OSBPL1A: variants seen among roughly 807,000 people sequenced by gnomAD.
The protein encoded by OSBPL1A is oxysterol binding protein like 1A, also known as oxysterol-binding protein-related protein 1.
In OSBPL1A, 80 loss-of-function variants were observed where a neutral mutation model predicts 137.1. The ratio of observed to expected loss-of-function variants is 0.58; its 90% CI spans 0.49 to 0.70. The LOEUF is 0.70. Among genes scored for constraint, OSBPL1A ranks in the 30% least tolerant of loss-of-function variants. The pLI is 0.00. For missense variants in OSBPL1A, 970 were observed against 1,129.4 expected, an observed-to-expected ratio of 0.86 and a Z score of 2.02; for synonymous variants, 365 against 389.7, an observed-to-expected ratio of 0.94 and a Z score of 0.75.
intron 1 of OSBPL1A, 133 bp from the exon 2 acceptor site, chr18:24,377,668 C>T (rs1191078822): frequency 1.1e-6 from 1 of 926,276 alleles, no homozygotes; most frequent in Admixed American, 3.2e-5. Context: ...CTGAATAAAT[C>T]CGTTGCAGGG....
intron 18 of OSBPL1A, among the ~76,000 whole-genome samples, chr18:24,188,471 T>C (rs1287813669): frequency 6.6e-6 from 1 of 152,246 alleles, no homozygotes; most frequent in Admixed American, 6.5e-5. Context: ...TTTTTAATCA[T>C]TTGAAAAGCT....
chr18:24,387,010 T>C (rs1284667451), intron 1 of OSBPL1A, among the ~76,000 whole-genome samples: 2 of 152,308 alleles, frequency 1.3e-5, no homozygotes, highest in East Asian at 1.9e-4. Context: ...GATATCTATT[T>C]GAAATATATT....
intron 1 of OSBPL1A, among the ~76,000 whole-genome samples, chr18:24,391,892 G>A (rs186507409): frequency 1.3e-5 from 2 of 152,046 alleles, no homozygotes; most frequent in African/African-American, 4.8e-5. Context: ...GACAGGGTCT[G>A]TCACTAAGGC....
intron 18 of OSBPL1A, among the ~76,000 whole-genome samples, chr18:24,189,269 A>G (rs1054634469): frequency 6.6e-6 from 1 of 152,248 alleles, no homozygotes; most frequent in African/African-American, 2.4e-5. Flanking sequence ...AAAATATTGT[A>G]TAAATGTAAA....
intron 14 of OSBPL1A, among the ~76,000 whole-genome samples, chr18:24,285,839 T>C (rs1041674694): frequency 6.6e-6 from 1 of 152,180 alleles, no homozygotes. Context: ...TGATCTAACC[T>C]AAATGATTGA....
At chr18:24,194,022 C>T (rs997500545) in intron 18 of OSBPL1A, among the ~76,000 whole-genome samples, 8 of 152,250 alleles carry the variant, frequency 5.3e-5, no homozygotes, top group South Asian at 4.1e-4. Flanking sequence ...TCGATTTGGA[C>T]GTAAACTAGA....
chr18:24,283,553 A>C (rs886642325), intron 14 of OSBPL1A, among the ~76,000 whole-genome samples: 7 of 152,056 alleles, frequency 4.6e-5, no homozygotes, highest in African/African-American at 1.7e-4. Context: ...CTTAGTTGCT[A>C]AATAGCAAAA....
intron 4 of OSBPL1A, chr18:24,366,680 G>A: frequency 2.5e-6 from 1 of 407,200 alleles, no homozygotes; most frequent in Non-Finnish European, 4.4e-6. Flanking sequence ...TCCTCACAGG[G>A]ATGCTACAGA....
intron 1 of OSBPL1A, among the ~76,000 whole-genome samples, chr18:24,383,047 T>A (rs1906716020): frequency 6.6e-6 from 1 of 152,214 alleles, no homozygotes; most frequent in Non-Finnish European, 1.5e-5. Context: ...CAACAGTGGT[T>A]ACTCCTGTGG....
chr18:24,307,004 C>T (rs1311799404), intron 13 of OSBPL1A, among the ~76,000 whole-genome samples: 2 of 151,692 alleles, frequency 1.3e-5, no homozygotes, highest in African/African-American at 4.8e-5. Context: ...TGCATGTAAT[C>T]CCAGCACTTT....
chr18:24,264,319 C>T (rs2730018), intron 15 of OSBPL1A, among the ~76,000 whole-genome samples: 16 of 151,988 alleles, frequency 1.1e-4, no homozygotes, highest in African/African-American at 3.9e-4. Flanking sequence ...GCTCTAATTT[C>T]TCATCCAGGA....
chr18:24,376,108 G>A (rs568464026), intron 2 of OSBPL1A, among the ~76,000 whole-genome samples: 1 of 152,312 alleles, frequency 6.6e-6, no homozygotes, highest in African/African-American at 2.4e-5. Context: ...CCACAGTGTG[G>A]AAGGGGACTC....
chr18:24,368,204 T>G, intron 3 of OSBPL1A, 83 bp downstream of exon 3: 2 of 1,005,138 alleles, frequency 2.0e-6, no homozygotes, highest in Non-Finnish European at 1.5e-6. Context: ...ATGGCTCAGG[T>G]GGCTTTTCTA....
chr18:24,242,139 A>T lies in OSBPL1A; in HGVS notation c.1282-2757T>A, dbSNP rs142563680. 1.3e-4 allele frequency among the ~76,000 whole-genome samples: 20 copies of T among 151,848 alleles called. No individual in the cohort carries two copies. The East Asian group carries it at 3.3e-3, about 25-fold the overall frequency. On this transcript the variant is annotated intron_variant, in intron 15 of 27. Coordinates refer to ENST00000319481, the MANE Select transcript of OSBPL1A (RefSeq NM_080597.4). ...TGGGGCCTGTTGGGGGGTGGGGGGCAAGGAGAGGGAGAGCATTAGGAGAAA... is the reference window on the plus strand; with the variant it reads ...TGGGGCCTGTTGGGGGGTGGGGGGCTAGGAGAGGGAGAGCATTAGGAGAAA...
At chr18:24,348,152 A>G (rs2146166881) in intron 4 of OSBPL1A, among the ~76,000 whole-genome samples, 1 of 152,308 alleles carries the variant, frequency 6.6e-6, no homozygotes, top group African/African-American at 2.4e-5. Context: ...AGTATCCCCT[A>G]AAACCCAAAT....
At chr18:24,258,011 T>TTGGTGAGAA (rs1270524889) in intron 15 of OSBPL1A, among the ~76,000 whole-genome samples, 1 of 152,226 alleles carries the variant, frequency 6.6e-6, no homozygotes, top group African/African-American at 2.4e-5. Context: ...GGGAACACTG[T>TTGGTGAGAA]TGGTGAGAAT....
chr18:24,289,135 A>G (rs181670278), intron 14 of OSBPL1A, among the ~76,000 whole-genome samples: 2 of 152,330 alleles, frequency 1.3e-5, no homozygotes, highest in African/African-American at 2.4e-5. Flanking sequence ...GAAAAGAACA[A>G]CAGCAAAAAA....
chr18:24,187,733 G>A (rs1030290889), intron 18 of OSBPL1A, among the ~76,000 whole-genome samples: 20 of 152,350 alleles, frequency 1.3e-4, no homozygotes, highest in Admixed American at 6.5e-5. Context: ...GGGATACTTT[G>A]CCCTGACCCA....
chr18:24,169,923 G>A (rs1368093990), intron 24 of OSBPL1A, among the ~76,000 whole-genome samples: 3 of 152,190 alleles, frequency 2.0e-5, no homozygotes, highest in Admixed American at 6.5e-5. Flanking sequence ...TCACGATAAG[G>A]AACAAGGCAA....
Sources: gnomAD v4.1 joint callset for allele counts (sites outside exome capture counted in the v4.1 genomes callset) on GRCh38, gnomAD v4.1.1 for gene constraint, MANE v1.5 for transcripts, NCBI Gene and HGNC (gene_info 2026-07-23, HGNC 2026-07-21) for gene names.